The following ESR2 variants were observed in gnomAD, a reference collection of about 807,000 sequenced individuals.
ESR2 encodes the protein estrogen receptor 2, also known as estrogen receptor beta.
ESR2 carries 36 observed loss-of-function variants against 49.6 expected under a neutral mutation model. The observed-to-expected ratio is 0.73, with a 90% CI of 0.56 to 0.96. The LOEUF is 0.96. ESR2 is among the 40% of genes least tolerant of loss of function. The pLI is 0.00. For missense variants in ESR2, 714 were observed against 693.0 expected, an observed-to-expected ratio of 1.03 and a Z score of -0.34; for synonymous variants, 320 against 266.1, an observed-to-expected ratio of 1.20 and a Z score of -1.97.
chr14:64,330,662 C>T (rs1286228575), intron 1 of ESR2: 1 of 151,408 alleles, frequency 6.6e-6, no homozygotes, highest in Non-Finnish European at 1.5e-5. Context: ...CTGCTTTACT[C>T]AAAGTCCACC....
At chr14:64,240,880 C>T (rs964432192) in intron 7 of ESR2, among the ~76,000 whole-genome samples, 3 of 152,006 alleles carry the variant, frequency 2.0e-5, no homozygotes, top group Non-Finnish European at 4.4e-5. Context: ...CGCGGTGGCT[C>T]ACGCTTGTAA....
In ESR2 at chr14:64,233,281, A is replaced by G. The variant is rs773568662; in HGVS notation, c.1449T>C (p.Asn483=). Residue 483 remains asparagine, a synonymous_variant, in exon 9 of 9, where the codon AAT becomes AAC. Transcript: ENST00000341099. ...MEHLLNMKCK[N]VVPVYDLLLE... The stretch of plus-strand genomic sequence containing the variant: ...GCAGCAGGTCATACACTGGGACCAC[A>G]TTTTTGCACTTCATGTTGAGCAGAT... 1.2e-6 allele frequency: 2 copies of G among 1,613,966 alleles called. No individual in the cohort carries two copies. Among genetic ancestry groups the G allele is most frequent in the Non-Finnish European group, 1.7e-6 (2 of 1,179,996 alleles).
Position 64,280,203 on chromosome 14 carries a change from A to T in ESR2, c.363-50T>A, listed in dbSNP as rs1310503111. 4.5e-6 allele frequency: 6 copies of T among 1,323,720 alleles called. No homozygotes were observed. The East Asian group carries it at 1.4e-4, about 32-fold the overall frequency. 82.0% of individuals were successfully genotyped at this position (1,323,720 alleles called of 1,614,324 possible). ...TGAACAGAGCATAAAAGGGAAAGGA[A>T]GGGCTTTCTAGGAAAAAAAAATAGC... On this transcript the variant is annotated intron_variant, in intron 2 of 8. Coordinates refer to ENST00000341099, the MANE Select transcript of ESR2 (RefSeq NM_001437.3).
chr14:64,242,841 AC>A (rs1180540374), intron 7 of ESR2, among the ~76,000 whole-genome samples: 1 of 82,924 alleles, frequency 1.2e-5, no homozygotes, highest in African/African-American at 1.1e-4. Context: ...TGGGCAATAT[AC>A]AAAAGAAAGG....
At chr14:64,257,102 T>C (rs1358500488) in intron 6 of ESR2, 124 bp downstream of exon 6, 2 of 866,814 alleles carry the variant, frequency 2.3e-6, no homozygotes, top group East Asian at 4.9e-5. Flanking sequence ...AAGGAGCTGA[T>C]GATGCTATCA....
downstream of ESR2, chr14:64,228,087 A>G (rs1191472826): frequency 2.9e-5 from 39 of 1,354,472 alleles, no homozygotes; most frequent in African/African-American, 1.1e-4. Context: ...TTAGCTGACT[A>G]AAGATGAAAT....
chr14:64,259,080 C>A (rs987991880), intron 5 of ESR2, among the ~76,000 whole-genome samples: 1 of 152,178 alleles, frequency 6.6e-6, no homozygotes, highest in African/African-American at 2.4e-5. Flanking sequence ...TGTGGTCCTG[C>A]AAAATCGTGT....
intron 1 of ESR2, among the ~76,000 whole-genome samples, chr14:64,318,861 G>A (rs750732623): frequency 7.2e-5 from 11 of 151,928 alleles, no homozygotes; most frequent in Non-Finnish European, 1.6e-4. Context: ...TGGGCAACAT[G>A]GTGCAATCCT....
At chr14:64,278,550 G>T (rs935279414) in intron 3 of ESR2, among the ~76,000 whole-genome samples, 39 of 152,214 alleles carry the variant, frequency 2.6e-4, no homozygotes, top group African/African-American at 9.2e-4. Context: ...AACTGGCAAA[G>T]AACAAAGCAT....
Position 64,323,904 on chromosome 14 carries a change from C to T in ESR2, c.-91+13994G>A, listed in dbSNP as rs558192060. Among the ~76,000 whole-genome samples, 5 of 152,232 alleles carry T rather than the reference C, an allele frequency of 3.3e-5. No individual in the cohort carries two copies. In the East Asian group the frequency reaches 9.7e-4, roughly 29 times the overall value. On this transcript the variant is annotated intron_variant, in intron 1 of 8. Coordinates refer to the ESR2 transcript ENST00000358599. ...ACAGGGTTTCTCCATGTTGGCCAGGCTGGTCTTGAACTCCCGACCTCAGGT... is the reference window on the plus strand; with the variant it reads ...ACAGGGTTTCTCCATGTTGGCCAGGTTGGTCTTGAACTCCCGACCTCAGGT...
intron 4 of ESR2, among the ~76,000 whole-genome samples, 186 bp downstream of exon 4, chr14:64,268,609 T>A (rs1003365702): frequency 6.6e-6 from 1 of 152,192 alleles, no homozygotes; most frequent in African/African-American, 2.4e-5. Flanking sequence ...TCTGTTCCCA[T>A]TCACCCCAGC....
chr14:64,284,849 A>AC (rs1400187684), intron 1 of ESR2, among the ~76,000 whole-genome samples: 2 of 141,548 alleles, frequency 1.4e-5, no homozygotes, highest in African/African-American at 5.4e-5. Context: ...TTATCGCATT[A>AC]CTTTTTTTTT....
At chr14:64,333,691 T>A (rs1287285495) in intron 1 of ESR2, among the ~76,000 whole-genome samples, 2 of 152,028 alleles carry the variant, frequency 1.3e-5, no homozygotes, top group African/African-American at 4.8e-5. Flanking sequence ...AACCATCCCA[T>A]GAGACTTATT....
At chr14:64,310,230 G>T (rs181532164) in intron 1 of ESR2, among the ~76,000 whole-genome samples, 138 of 151,354 alleles carry the variant, frequency 9.1e-4, no homozygotes, top group Admixed American at 2.3e-3. Flanking sequence ...CCAAGATCGC[G>T]CCACTGCATT....
At chr14:64,271,304 T>C (rs2076440340) in intron 3 of ESR2, among the ~76,000 whole-genome samples, 1 of 145,616 alleles carries the variant, frequency 6.9e-6, no homozygotes, top group African/African-American at 2.6e-5. Context: ...TGCTACTTTA[T>C]CCCCACAAGT....
At chr14:64,298,621 C>G (rs535566438), upstream of ESR2, 3 of 152,292 alleles carry the variant, frequency 2.0e-5, no homozygotes, top group South Asian at 2.1e-4. Context: ...AAGACAGACC[C>G]AACCTGATAC....
chr14:64,337,346 G>C (rs764834628), intron 1 of ESR2: 1 of 152,152 alleles, frequency 6.6e-6, no homozygotes, highest in Non-Finnish European at 1.5e-5. Context: ...CAGTTGAAAT[G>C]GTCAATATCT....
At chr14:64,243,785 C>T (rs924796968) in intron 7 of ESR2, among the ~76,000 whole-genome samples, 1 of 152,136 alleles carries the variant, frequency 6.6e-6, no homozygotes, top group Non-Finnish European at 1.5e-5. Flanking sequence ...ATTGTTTCGC[C>T]CGCTCCTTTC....
intron 7 of ESR2, among the ~76,000 whole-genome samples, chr14:64,248,600 A>C (rs921901078): frequency 6.6e-6 from 1 of 151,000 alleles, no homozygotes; most frequent in Non-Finnish European, 1.5e-5. Flanking sequence ...TGATGATTTT[A>C]TTTTCTTCCT....
Sources: gnomAD v4.1 joint callset for allele counts (sites outside exome capture counted in the v4.1 genomes callset) on GRCh38, gnomAD v4.1.1 for gene constraint, MANE v1.5 for transcripts, NCBI Gene and HGNC (gene_info 2026-07-23, HGNC 2026-07-21) for gene names.